Variants in SLC12A6 observed in about 807,000 individuals in gnomAD.
The protein encoded by SLC12A6 is solute carrier family 12 member 6.
A neutral mutation model predicts 135.3 loss-of-function variants in SLC12A6; 66 were observed. That is an observed-to-expected ratio of 0.49 (90% CI 0.40 to 0.60). The LOEUF (loss-of-function observed/expected upper bound fraction) is 0.60. SLC12A6 is among the 20% of genes least tolerant of loss of function. The pLI is 0.00. For synonymous variants in SLC12A6, 513 were observed against 508.8 expected, an observed-to-expected ratio of 1.01 and a Z score of -0.11; for missense variants, 1,058 against 1,452.3, an observed-to-expected ratio of 0.73 and a Z score of 4.41.
chr15:34,237,011 A>G, intron 22 of SLC12A6, 196 bp from the exon 23 acceptor site: 2 of 599,274 alleles, frequency 3.3e-6, no homozygotes, highest in East Asian at 6.1e-5. Flanking sequence ...AGGCCCTGAG[A>G]GTCTTTTCCA....
intron 2 of SLC12A6, chr15:34,314,826 TAAAA>T (rs566307709): frequency 0.013 from 1,782 of 136,062 alleles, 14 homozygotes; most frequent in Middle Eastern, 0.042. Flanking sequence ...TGACCAGCCT[TAAAA>T]AAAAAAAAAA....
intron 19 of SLC12A6, among the ~76,000 whole-genome samples, chr15:34,239,685 A>C (rs2140656968): frequency 6.6e-6 from 1 of 151,834 alleles, no homozygotes. Flanking sequence ...TGACACTTGT[A>C]TTTGCATTAC....
chr15:34,324,375 C>G (rs1456346544), intron 2 of SLC12A6, among the ~76,000 whole-genome samples: 2 of 152,050 alleles, frequency 1.3e-5, no homozygotes, highest in Non-Finnish European at 2.9e-5. Flanking sequence ...GGCATTACTC[C>G]CATAGTGCTT....
intron 16 of SLC12A6, 141 bp downstream of exon 16, chr15:34,243,833 G>T: frequency 1.5e-6 from 1 of 686,496 alleles, no homozygotes; most frequent in South Asian, 1.6e-5. Flanking sequence ...TGAGGATTCA[G>T]ATAAGAATTG....
chr15:34,326,938 A>C (rs1309348277), intron 2 of SLC12A6, among the ~76,000 whole-genome samples: 1 of 147,090 alleles, frequency 6.8e-6, no homozygotes, highest in Non-Finnish European at 1.5e-5. Flanking sequence ...TGTCTTAATA[A>C]ATGTTTCAAT....
chr15:34,314,283 G>T (rs940714195), intron 2 of SLC12A6, among the ~76,000 whole-genome samples: 3 of 152,148 alleles, frequency 2.0e-5, no homozygotes, highest in Non-Finnish European at 2.9e-5. Flanking sequence ...CTGACCTCAG[G>T]TGATCCACCC....
intron 2 of SLC12A6, among the ~76,000 whole-genome samples, chr15:34,329,393 G>A (rs544560286): frequency 5.6e-4 from 85 of 152,320 alleles, no homozygotes; most frequent in African/African-American, 2.0e-3. Context: ...ATCAGCATTA[G>A]AAACATTCCC....
intron 15 of SLC12A6, among the ~76,000 whole-genome samples, chr15:34,244,329 T>C (rs2140684127): frequency 6.6e-6 from 1 of 152,332 alleles, no homozygotes; most frequent in South Asian, 2.1e-4. Flanking sequence ...TGTTCCAAAT[T>C]CACTTACCAA....
chr15:34,300,848 G>A, intron 2 of SLC12A6, among the ~76,000 whole-genome samples: 1 of 151,676 alleles, frequency 6.6e-6, no homozygotes, highest in Non-Finnish European at 1.5e-5. Context: ...GGCATGAGGG[G>A]CAGGGGTCCT....
intron 16 of SLC12A6, among the ~76,000 whole-genome samples, chr15:34,243,172 A>T (rs1465515263): frequency 6.6e-6 from 1 of 152,034 alleles, no homozygotes; most frequent in Non-Finnish European, 1.5e-5. Flanking sequence ...GATTACAGGC[A>T]TGAGCCACCA....
chr15:34,279,327 AAAAAC>A (rs886327028), intron 2 of SLC12A6, among the ~76,000 whole-genome samples: 3 of 152,082 alleles, frequency 2.0e-5, no homozygotes, highest in Admixed American at 6.6e-5. Context: ...AAAACAAACA[AAAAAC>A]AAAACAAAAC....
At chr15:34,295,317 T>A (rs1895809144) in intron 2 of SLC12A6, among the ~76,000 whole-genome samples, 2 of 152,212 alleles carry the variant, frequency 1.3e-5, no homozygotes, top group African/African-American at 4.8e-5. Context: ...AGATACTAGC[T>A]CTACCACATG....
rs186589213 is a variant in SLC12A6, at chr15:34,245,167, G to C, written c.1943+118C>G. The C allele has an allele frequency of 7.3e-5, 54 of 740,396 alleles. No homozygotes were observed. The African/African-American group carries it at 8.7e-4, about 12-fold the overall frequency. The allele number at this position is 740,396 out of a possible 1,614,324, so 45.9% of individuals were successfully genotyped here. ...TCTCAGGAATGATTTTTATTTAAGT[G>C]AAGTTACATCTGTATTTAGCCCACT... On this transcript the variant is annotated intron_variant, in intron 15 of 25. Transcript: ENST00000354181.
chr15:34,336,980 C>G (rs1279932834), intron 1 of SLC12A6: 1 of 414,598 alleles, frequency 2.4e-6, no homozygotes, highest in Non-Finnish European at 4.5e-6. Context: ...GAAGAGCTAC[C>G]TAGCTAACCC....
chr15:34,256,043 G>T (rs1329381182), intron 7 of SLC12A6, among the ~76,000 whole-genome samples, 186 bp downstream of exon 7: 3 of 152,226 alleles, frequency 2.0e-5, no homozygotes, highest in African/African-American at 7.2e-5. Flanking sequence ...AAAAAATAAA[G>T]AGATTTTAAA....
At chr15:34,264,004 G>GA (rs576181885) in intron 3 of SLC12A6, among the ~76,000 whole-genome samples, 186 of 145,692 alleles carry the variant, frequency 1.3e-3, no homozygotes, top group African/African-American at 3.8e-3. Context: ...TTAATAAATA[G>GA]AAAAAAAAAA....
chr15:34,257,496 G>C, intron 6 of SLC12A6, 146 bp downstream of exon 6: 1 of 698,606 alleles, frequency 1.4e-6, no homozygotes, highest in East Asian at 2.7e-5. Flanking sequence ...AAATCCTTTA[G>C]ATTTTAATAT....
Position 34,254,335 on chromosome 15 carries a change from G to C in SLC12A6, c.1118+13C>G, listed in dbSNP as rs1346635623. 3 of 1,611,704 alleles carry C rather than the reference G, an allele frequency of 1.9e-6. No individual in the cohort carries two copies. The Admixed American group carries it at 5.0e-5, about 27-fold the overall frequency. On this transcript the variant is annotated intron_variant, in intron 9 of 25. Coordinates refer to ENST00000354181, the MANE Select transcript of SLC12A6 (RefSeq NM_001365088.1). Reference sequence around the variant, plus strand: ...CCCAATAAGGATGGCTAGGCAGAGAGACAGACACGTACGGGAAGTGTGGAG... The same window carrying C: ...CCCAATAAGGATGGCTAGGCAGAGACACAGACACGTACGGGAAGTGTGGAG...
At chr15:34,298,475 A>AAAATAAATAAAT (rs147699591) in intron 2 of SLC12A6, among the ~76,000 whole-genome samples, 1 of 148,790 alleles carries the variant, frequency 6.7e-6, no homozygotes, top group East Asian at 2.0e-4. Context: ...ACTCTGTCTC[A>AAAATAAATAAAT]AAATAAATAA....
Sources: allele counts gnomAD v4.1 joint callset (sites outside exome capture counted in the v4.1 genomes callset), GRCh38; gene constraint gnomAD v4.1.1; transcripts MANE v1.5; gene names NCBI Gene and HGNC (gene_info 2026-07-23, HGNC 2026-07-21).